Variants in ASB5 observed in about 807,000 individuals in gnomAD.
The protein encoded by ASB5 is ankyrin repeat and SOCS box protein 5.
Under a neutral mutation model 42.1 loss-of-function variants are expected in ASB5, and 45 were observed. The observed-to-expected ratio is 1.07, with a 90% CI of 0.84 to 1.37. The LOEUF is 1.37. ASB5 is among the 40% of genes most tolerant of loss of function. The pLI is 0.00. For synonymous variants in ASB5, 147 were observed against 150.6 expected, an observed-to-expected ratio of 0.98 and a Z score of 0.18; for missense variants, 402 against 399.8, an observed-to-expected ratio of 1.01 and a Z score of -0.05.
intron 1 of ASB5, among the ~76,000 whole-genome samples, chr4:176,245,517 T>C (rs941195773): frequency 1.3e-5 from 2 of 152,208 alleles, no homozygotes; most frequent in African/African-American, 4.8e-5. Flanking sequence ...GAACTAGATA[T>C]ACCATTTGAC....
At position 176,221,540 on chromosome 4, in the gene ASB5, G is replaced by A; in HGVS notation, c.445C>T (p.Pro149Ser). 6.2e-7 allele frequency: 1 copy of A among 1,613,966 alleles called. No homozygotes were observed. The highest frequency in any genetic ancestry group is 1.1e-5 in the South Asian group (1 of 91,072). ...TCCAGAAGCAGCTCTGCACAGCTTG[G>A]ACTGCCTTGGGAGCATGCGTTGAAT... The part of the protein sequence containing the change: ...PLFNACSQGS[P>S]SCAELLLEYG... Residue 149 changes from proline to serine, a missense_variant, in exon 4 of 7, where the codon CCA (proline) becomes TCA (serine). Transcript: ENST00000296525.
intron 1 of ASB5, chr4:176,241,476 T>C (rs988282596): frequency 2.0e-6 from 3 of 1,535,540 alleles, no homozygotes; most frequent in Middle Eastern, 1.7e-4. Context: ...TACTGCCAAA[T>C]TTCCACCATT....
chr4:176,219,584 ATATATATATAT>A (rs1561251297), intron 5 of ASB5, among the ~76,000 whole-genome samples: 1,639 of 49,028 alleles, frequency 0.033, 441 homozygotes, highest in African/African-American at 0.091. Flanking sequence ...TGATATATAT[ATATATATATAT>A]ATATATATAT....
rs964002984 is a variant in ASB5, at chr4:176,222,425, A to G, written c.277-5T>C. 5 of 1,606,064 alleles carry G rather than the reference A, an allele frequency of 3.1e-6. No homozygotes were observed. In the African/African-American group the frequency reaches 6.7e-5, roughly 21 times the overall value. ...TACTGCATTTACATTATAACCCTAA[A>G]TGTGGCATAATTTTGAAAGGTGAGC... On this transcript the variant is annotated splice_region_variant and splice_polypyrimidine_tract_variant and intron_variant, in intron 2 of 6. Coordinates refer to ENST00000296525, the MANE Select transcript of ASB5 (RefSeq NM_080874.4).
chr4:176,219,725 C>A (rs538801658), intron 5 of ASB5, among the ~76,000 whole-genome samples: 76 of 149,538 alleles, frequency 5.1e-4, no homozygotes, highest in African/African-American at 1.8e-3. Flanking sequence ...TGCCACCATG[C>A]CTAGCTAATT....
At chr4:176,259,048 A>G (rs917061449) in intron 1 of ASB5, among the ~76,000 whole-genome samples, 1 of 152,218 alleles carries the variant, frequency 6.6e-6, no homozygotes, top group African/African-American at 2.4e-5. Context: ...CTTAGCCCCT[A>G]TACTAGATTC....
rs189472529 is a variant in ASB5, at chr4:176,243,651, C to T, written c.197-18310G>A. On this transcript the variant is annotated intron_variant, in intron 1 of 6. Coordinates refer to ENST00000296525, the MANE Select transcript of ASB5 (RefSeq NM_080874.4). Reference sequence around the variant, plus strand: ...CTGAGTAGCTGGTATTACAGGCATGCGCCACTATGCCTGGCTAATTTTTTG... The same window carrying T: ...CTGAGTAGCTGGTATTACAGGCATGTGCCACTATGCCTGGCTAATTTTTTG... 8.1e-3 allele frequency among the ~76,000 whole-genome samples: 1,229 copies of T among 151,944 alleles called. 12 individuals are homozygous for T. Among genetic ancestry groups the T allele is most frequent in the African/African-American group, 0.028 (1,152 of 41,422 alleles).
chr4:176,273,824 G>C (rs1369502929), upstream of ASB5, among the ~76,000 whole-genome samples: 1 of 152,212 alleles, frequency 6.6e-6, no homozygotes, highest in African/African-American at 2.4e-5. Flanking sequence ...TTAAAAAATA[G>C]ATTTCTTAAA....
intron 1 of ASB5, among the ~76,000 whole-genome samples, chr4:176,276,920 C>T (rs1441655718): frequency 6.6e-6 from 1 of 152,062 alleles, no homozygotes; most frequent in African/African-American, 2.4e-5. Context: ...CTGTATGTCC[C>T]AGGAAAATCA....
intron 1 of ASB5, among the ~76,000 whole-genome samples, chr4:176,258,928 G>C (rs1453544901): frequency 2.0e-5 from 3 of 152,126 alleles, no homozygotes; most frequent in African/African-American, 7.2e-5. Flanking sequence ...ACACCAATTA[G>C]ATATGCAACT....
rs1754206241 is a variant in ASB5, at chr4:176,258,936, A to T, written c.196+9977T>A. On this transcript the variant is annotated intron_variant, in intron 1 of 6. Coordinates refer to ENST00000296525, the MANE Select transcript of ASB5 (RefSeq NM_080874.4). The stretch of plus-strand genomic sequence containing the variant: ...GAATGTCACACCAATTAGATATGCA[A>T]CTATTGTTTTGGGACTTAATGTTCA... Among the ~76,000 whole-genome samples the T allele has an allele frequency of 2.6e-5, 4 of 152,204 alleles. No individual in the cohort carries two copies. The South Asian group carries it at 8.3e-4, about 31-fold the overall frequency.
chr4:176,274,147 C>T (rs527738264), upstream of ASB5, among the ~76,000 whole-genome samples: 3 of 152,202 alleles, frequency 2.0e-5, no homozygotes, highest in South Asian at 2.1e-4. Context: ...AGAAATAGCT[C>T]GCCTAGGAAT....
chr4:176,276,351 A>G (rs992464810), intron 1 of ASB5, among the ~76,000 whole-genome samples: 1 of 152,206 alleles, frequency 6.6e-6, no homozygotes, highest in African/African-American at 2.4e-5. Flanking sequence ...TCCAACTTCC[A>G]ATAGTACCAT....
In ASB5 at chr4:176,251,153, GTTTTAT is replaced by G. The variant is rs1490643236; in HGVS notation, c.196+17754_196+17759del. Among the ~76,000 whole-genome samples the G allele has an allele frequency of 1.5e-4, 23 of 151,802 alleles. 1 individual carries two copies. The highest frequency in any genetic ancestry group is 5.6e-4 in the African/African-American group (23 of 41,374). On this transcript the variant is annotated intron_variant, in intron 1 of 6. Coordinates refer to ENST00000296525, the MANE Select transcript of ASB5 (RefSeq NM_080874.4). ...CTCCCCATGGCTCTAGCCACAGATA[GTTTTAT>G]CACCGCTTAACCATGTGCTCATGGG... is the stretch of plus-strand genomic sequence containing the variant.
intron 1 of ASB5, among the ~76,000 whole-genome samples, chr4:176,268,328 A>G (rs958419704): frequency 1.3e-5 from 2 of 152,108 alleles, no homozygotes; most frequent in Non-Finnish European, 2.9e-5. Flanking sequence ...TTTATAACCA[A>G]TTTTTTACAA....
upstream of ASB5, among the ~76,000 whole-genome samples, chr4:176,273,107 G>T (rs997043767): frequency 1.3e-5 from 2 of 151,880 alleles, no homozygotes. Context: ...GAGCCACTGT[G>T]CCCAGCCCTT....
intron 1 of ASB5, among the ~76,000 whole-genome samples, chr4:176,225,890 T>TA (rs1753364670): frequency 6.6e-6 from 1 of 152,238 alleles, no homozygotes; most frequent in Non-Finnish European, 1.5e-5. Context: ...GCCCCCGGCT[T>TA]ACTATGCCTT....
intron 1 of ASB5, among the ~76,000 whole-genome samples, chr4:176,239,558 G>C (rs1753768311): frequency 6.6e-6 from 1 of 152,098 alleles, no homozygotes; most frequent in South Asian, 2.1e-4. Flanking sequence ...CCCCCACTTA[G>C]TTGTGCACTC....
In ASB5 at chr4:176,269,048, T is replaced by C. The variant is rs1408250492; in HGVS notation, c.61A>G (p.Ile21Val). 4 of 1,613,346 alleles carry C rather than the reference T, an allele frequency of 2.5e-6. No homozygotes were observed. The highest frequency in any genetic ancestry group is 3.3e-5 in the Admixed American group (2 of 59,924). The part of the protein sequence containing the change: ...AQQLSNVYFT[I>V]LSLFCFKLFV... ...AGCTTAAAACAGAACAGCGAAAGTATTGTAAAGTAGACATTGGATAATTGT... is the reference window on the plus strand; with the variant it reads ...AGCTTAAAACAGAACAGCGAAAGTACTGTAAAGTAGACATTGGATAATTGT... Residue 21 changes from isoleucine to valine, a missense_variant, in exon 1 of 7, where the codon ATA becomes GTA. Physicochemically the swap from Ile to Val is conservative, Grantham distance 29. Transcript: ENST00000296525.
Sources: allele counts gnomAD v4.1 joint callset (sites outside exome capture counted in the v4.1 genomes callset), GRCh38; gene constraint gnomAD v4.1.1; transcripts MANE v1.5; gene names NCBI Gene and HGNC (gene_info 2026-07-23, HGNC 2026-07-21).